Variants in KAZN observed in about 807,000 individuals in gnomAD.
The protein encoded by KAZN is kazrin.
In KAZN, 40 loss-of-function variants were observed where a neutral mutation model predicts 87.4. The observed-to-expected ratio is 0.46, with a 90% CI of 0.36 to 0.60. KAZN has a LOEUF of 0.60. Among genes scored for constraint, KAZN ranks in the 20% least tolerant of loss-of-function variants. KAZN has a pLI of 0.00. For synonymous variants in KAZN, 466 were observed against 458.3 expected (o/e 1.02, Z -0.22); for missense variants, 898 against 1,073.9 (o/e 0.84, Z 2.29).
At chr1:14,778,525 T>G (rs1412180195) in intron 1 of KAZN, among the ~76,000 whole-genome samples, 1 of 152,094 alleles carries the variant, frequency 6.6e-6, no homozygotes, top group African/African-American at 2.4e-5. Context: ...CTTGGCCAAG[T>G]GGAGATCCGT....
chr1:14,090,789 C>T (rs148118678), intron 1 of KAZN, among the ~76,000 whole-genome samples: 7 of 152,214 alleles, frequency 4.6e-5, no homozygotes, highest in African/African-American at 1.7e-4. Context: ...GTATTTCCTC[C>T]CATGTGAACA....
intron 1 of KAZN, among the ~76,000 whole-genome samples, chr1:14,084,622 C>G (rs1335136601): frequency 2.0e-5 from 3 of 151,082 alleles, no homozygotes. Context: ...GTGGTGGAAC[C>G]ATTTACTTCA....
intron 1 of KAZN, among the ~76,000 whole-genome samples, chr1:13,958,294 GGT>G (rs1277573446): frequency 2.0e-5 from 3 of 152,132 alleles, no homozygotes; most frequent in Non-Finnish European, 4.4e-5. Context: ...AAATTGGCTG[GGT>G]GCGGTGGCTC....
chr1:14,837,550 A>ATT (rs1164233693), intron 1 of KAZN, among the ~76,000 whole-genome samples: 3,176 of 117,654 alleles, frequency 0.027, 69 homozygotes, highest in Middle Eastern at 0.062. Context: ...TAGCTGTATA[A>ATT]TTTTTTTTTT....
chr1:13,914,324 A>G (rs1349983512), intron 1 of KAZN, among the ~76,000 whole-genome samples: 1 of 152,210 alleles, frequency 6.6e-6, no homozygotes, highest in African/African-American at 2.4e-5. Flanking sequence ...CTGAGCATCA[A>G]TTTCCTCAAC....
intron 1 of KAZN, among the ~76,000 whole-genome samples, chr1:14,916,496 T>A (rs574041046): frequency 6.6e-6 from 1 of 152,268 alleles, no homozygotes; most frequent in East Asian, 1.9e-4. Flanking sequence ...TAATTCTCAA[T>A]AAGCTGCAAC....
intron 2 of KAZN, among the ~76,000 whole-genome samples, chr1:14,493,350 T>C (rs1669780177): frequency 6.6e-6 from 1 of 152,214 alleles, no homozygotes; most frequent in South Asian, 2.1e-4. Flanking sequence ...TGGGTTGTGA[T>C]GGTTCTACAG....
intron 2 of KAZN, among the ~76,000 whole-genome samples, chr1:14,515,298 T>C (rs913193903): frequency 6.6e-6 from 1 of 152,228 alleles, no homozygotes; most frequent in Non-Finnish European, 1.5e-5. Context: ...ACTTGTCCAA[T>C]GTTCCTCAGC....
At chr1:13,980,656 A>T (rs1402000990) in intron 1 of KAZN, among the ~76,000 whole-genome samples, 3 of 152,214 alleles carry the variant, frequency 2.0e-5, no homozygotes, top group Non-Finnish European at 4.4e-5. Context: ...AGAAGTAGAT[A>T]CATGAACAAT....
intron 1 of KAZN, among the ~76,000 whole-genome samples, chr1:13,989,041 G>T (rs1479922361): frequency 6.6e-6 from 1 of 152,086 alleles, no homozygotes; most frequent in Non-Finnish European, 1.5e-5. Context: ...CATTTGATGA[G>T]GGCCTTCTTG....
At chr1:14,377,256 C>T (rs1660987695) in intron 2 of KAZN, among the ~76,000 whole-genome samples, 1 of 152,156 alleles carries the variant, frequency 6.6e-6, no homozygotes, top group South Asian at 2.1e-4. Flanking sequence ...TAATTGGTTT[C>T]CTATCCATCA....
In KAZN at chr1:14,734,228, C is replaced by T. The variant is rs1572350879; in HGVS notation, c.226+135005C>T. On this transcript the variant is annotated intron_variant, in intron 1 of 14. Coordinates refer to ENST00000376030, the MANE Select transcript of KAZN (RefSeq NM_201628.3). ...ACTGTACAGTGCGCCTGAAGCACTCCGGGATCTGGATAGACTGCAGATTAG... is the reference window on the plus strand; with the variant it reads ...ACTGTACAGTGCGCCTGAAGCACTCTGGGATCTGGATAGACTGCAGATTAG... Among the ~76,000 whole-genome samples, 5 of 152,036 alleles carry T rather than the reference C, an allele frequency of 3.3e-5. No individual in the cohort carries two copies. The South Asian group carries it at 1.0e-3, about 32-fold the overall frequency.
chr1:14,362,304 T>G (rs1659589131), intron 2 of KAZN, among the ~76,000 whole-genome samples: 1 of 152,232 alleles, frequency 6.6e-6, no homozygotes, highest in Non-Finnish European at 1.5e-5. Flanking sequence ...TGCTGGCTGT[T>G]GACGAGAGTC....
At chr1:14,099,383 C>T (rs1644199486) in intron 1 of KAZN, among the ~76,000 whole-genome samples, 1 of 152,008 alleles carries the variant, frequency 6.6e-6, no homozygotes, top group Non-Finnish European at 1.5e-5. Context: ...CCCCTGGTTC[C>T]CCACTTCCTA....
chr1:14,802,786 C>A (rs1342497991), intron 1 of KAZN, among the ~76,000 whole-genome samples: 4 of 152,164 alleles, frequency 2.6e-5, no homozygotes. Flanking sequence ...ATTAACAGGA[C>A]AAGGAGCCTG....
At chr1:14,217,851 CA>C (rs1646992723) in intron 2 of KAZN, among the ~76,000 whole-genome samples, 1 of 152,038 alleles carries the variant, frequency 6.6e-6, no homozygotes, top group African/African-American at 2.4e-5. Flanking sequence ...GACTTTCCTA[CA>C]ACATTGCTTT....
intron 2 of KAZN, among the ~76,000 whole-genome samples, chr1:14,467,975 C>A (rs1410605984): frequency 6.6e-6 from 1 of 152,152 alleles, no homozygotes; most frequent in Non-Finnish European, 1.5e-5. Context: ...ATCACGTGCT[C>A]TTCTCTGGAG....
At chr1:14,177,438 T>A (rs374690441) in intron 1 of KAZN, among the ~76,000 whole-genome samples, 38 of 152,342 alleles carry the variant, frequency 2.5e-4, no homozygotes, top group African/African-American at 8.9e-4. Flanking sequence ...ACCTTTCTTT[T>A]AGTGCAAATC....
intron 1 of KAZN, among the ~76,000 whole-genome samples, chr1:14,000,959 T>A (rs1051126469): frequency 4.0e-5 from 6 of 151,770 alleles, no homozygotes; most frequent in African/African-American, 1.5e-4. Context: ...ATTTTTTGTA[T>A]TTTTAGTAGA....
Sources: allele counts gnomAD v4.1 joint callset (sites outside exome capture counted in the v4.1 genomes callset), GRCh38; gene constraint gnomAD v4.1.1; transcripts MANE v1.5; gene names NCBI Gene and HGNC (gene_info 2026-07-23, HGNC 2026-07-21).